Variants in B3GAT2 observed in about 807,000 individuals in gnomAD.
B3GAT2 encodes beta-1,3-glucuronyltransferase 2, also known as galactosylgalactosylxylosylprotein 3-beta-glucuronosyltransferase 2.
In B3GAT2, 26 loss-of-function variants were observed where a neutral mutation model predicts 27.8. The observed-to-expected ratio is 0.93, with a 90% CI of 0.68 to 1.30. B3GAT2 has a LOEUF of 1.30. B3GAT2 is among the 50% of genes most tolerant of loss of function. B3GAT2 has a pLI of 0.00. For missense variants in B3GAT2, 458 were observed against 459.0 expected (o/e 1.00, Z 0.02); for synonymous variants, 218 against 195.1 (o/e 1.12, Z -0.98).
At chr6:70,955,763 G>A in intron 1 of B3GAT2, 76 bp downstream of exon 1, 4 of 1,440,078 alleles carry the variant, frequency 2.8e-6, no homozygotes, top group Non-Finnish European at 3.7e-6. Context: ...AGTGCAAGGG[G>A]CGTGTGACTG....
intron 2 of B3GAT2, among the ~76,000 whole-genome samples, chr6:70,888,332 T>C (rs1772224915): frequency 6.6e-6 from 1 of 152,004 alleles, no homozygotes; most frequent in Admixed American, 6.5e-5. Context: ...TACACATAAA[T>C]TACGACTCAA....
At chr6:70,924,490 T>C (rs1362832170) in intron 1 of B3GAT2, among the ~76,000 whole-genome samples, 1 of 152,186 alleles carries the variant, frequency 6.6e-6, no homozygotes, top group Non-Finnish European at 1.5e-5. Flanking sequence ...AGTCACACTT[T>C]CCAATTTCAA....
intron 2 of B3GAT2, among the ~76,000 whole-genome samples, chr6:70,883,420 T>C (rs1772129892): frequency 7.4e-6 from 1 of 134,962 alleles, no homozygotes; most frequent in African/African-American, 2.8e-5. Context: ...TGATACATAA[T>C]ATAATATGAA....
chr6:70,949,738 TA>T (rs1255285895), intron 1 of B3GAT2, among the ~76,000 whole-genome samples: 1 of 151,818 alleles, frequency 6.6e-6, no homozygotes, highest in Non-Finnish European at 1.5e-5. Flanking sequence ...CATGCTGCTA[TA>T]AAGACACATG....
intron 2 of B3GAT2, among the ~76,000 whole-genome samples, chr6:70,881,496 A>G (rs1772097974): frequency 6.6e-6 from 1 of 152,208 alleles, no homozygotes; most frequent in Non-Finnish European, 1.5e-5. Flanking sequence ...GCTTTATTTT[A>G]GGTACACCTG....
At chr6:70,922,457 T>C (rs551025051) in intron 1 of B3GAT2, among the ~76,000 whole-genome samples, 1 of 152,070 alleles carries the variant, frequency 6.6e-6, no homozygotes, top group Admixed American at 6.5e-5. Flanking sequence ...ATAAAGTAAA[T>C]CAATAAATTT....
intron 1 of B3GAT2, among the ~76,000 whole-genome samples, chr6:70,909,614 T>C (rs935530929): frequency 6.6e-6 from 1 of 152,190 alleles, no homozygotes; most frequent in African/African-American, 2.4e-5. Context: ...AATAAGATGA[T>C]GTATGTAAAG....
chr6:70,950,619 T>G (rs1335243325), intron 1 of B3GAT2, among the ~76,000 whole-genome samples: 6 of 152,146 alleles, frequency 3.9e-5, no homozygotes, highest in Non-Finnish European at 8.8e-5. Flanking sequence ...GTGCTTCTGT[T>G]AAAAACGGGG....
chr6:70,878,709 T>C (rs1360297225), intron 2 of B3GAT2, among the ~76,000 whole-genome samples: 2 of 152,170 alleles, frequency 1.3e-5, no homozygotes, highest in East Asian at 3.8e-4. Context: ...TCATTTTGGT[T>C]TCTCTTCTTC....
At chr6:70,871,192 G>T (rs1771928541) in intron 2 of B3GAT2, among the ~76,000 whole-genome samples, 1 of 147,436 alleles carries the variant, frequency 6.8e-6, no homozygotes, top group South Asian at 2.1e-4. Context: ...TATTCAAAAG[G>T]GATATAGGTC....
At chr6:70,925,772 G>C (rs1023094954) in intron 1 of B3GAT2, among the ~76,000 whole-genome samples, 3 of 152,232 alleles carry the variant, frequency 2.0e-5, no homozygotes, top group African/African-American at 7.2e-5. Flanking sequence ...AAACGTCCCT[G>C]TCTGACAGCT....
chr6:70,868,719 T>TC (rs202033605), intron 2 of B3GAT2, among the ~76,000 whole-genome samples: 290 of 151,368 alleles, frequency 1.9e-3, no homozygotes, highest in African/African-American at 2.8e-3. Context: ...AGCCTCTCTT[T>TC]CCCCCCCCAC....
intron 2 of B3GAT2, among the ~76,000 whole-genome samples, chr6:70,889,895 T>C (rs1291989228): frequency 1.3e-5 from 2 of 151,802 alleles, no homozygotes; most frequent in Non-Finnish European, 2.9e-5. Flanking sequence ...GATTCTCATG[T>C]CTCAGCCTCC....
At chr6:70,919,501 G>C (rs1772831033) in intron 1 of B3GAT2, among the ~76,000 whole-genome samples, 1 of 152,174 alleles carries the variant, frequency 6.6e-6, no homozygotes, top group Non-Finnish European at 1.5e-5. Context: ...GGAATTTTCA[G>C]CCTTTCTTCT....
intron 1 of B3GAT2, among the ~76,000 whole-genome samples, chr6:70,913,565 T>G (rs1258557939): frequency 1.3e-5 from 2 of 151,966 alleles, no homozygotes; most frequent in Non-Finnish European, 2.9e-5. Flanking sequence ...GGTCCAAGAG[T>G]GTGGTTAGTG....
intron 2 of B3GAT2, among the ~76,000 whole-genome samples, chr6:70,880,269 T>C (rs1325944024): frequency 2.6e-5 from 4 of 152,126 alleles, no homozygotes; most frequent in African/African-American, 9.7e-5. Flanking sequence ...ACATTCACAG[T>C]GAACCAGGCC....
chr6:70,899,643 G>C (rs960352347), intron 1 of B3GAT2, among the ~76,000 whole-genome samples: 1 of 152,300 alleles, frequency 6.6e-6, no homozygotes, highest in South Asian at 2.1e-4. Flanking sequence ...CATGCAGAAT[G>C]CTTCATCACA....
rs112409269 is a variant in B3GAT2 at position 70,956,032 on chromosome 6, G to A, written c.398C>T (p.Ala133Val). The A allele has an allele frequency of 3.4e-5, 53 of 1,551,998 alleles. 1 individual carries two copies. The African/African-American group carries it at 3.5e-4, about 10-fold the overall frequency. ...SELVSRFLARAGLPSTHLHVP... is the reference protein window; with the variant it reads ...SELVSRFLARVGLPSTHLHVP... The stretch of plus-strand genomic sequence containing the variant: ...GTGCAGGTGAGTGCTGGGCAGCCCG[G>A]CCCGCGCCAGGAAGCGGCTCACCAG... Residue 133 changes from alanine to valine, a missense_variant, in exon 1 of 4, where the codon GCC becomes GTC. Coordinates refer to ENST00000230053, the MANE Select transcript of B3GAT2 (RefSeq NM_080742.3).
At chr6:70,949,311 C>T (rs1170656425) in intron 1 of B3GAT2, among the ~76,000 whole-genome samples, 1 of 152,122 alleles carries the variant, frequency 6.6e-6, no homozygotes, top group Non-Finnish European at 1.5e-5. Context: ...ACTCATCTGA[C>T]AAAGGGCTAA....
Sources: gnomAD v4.1 joint callset for allele counts (sites outside exome capture counted in the v4.1 genomes callset) on GRCh38, gnomAD v4.1.1 for gene constraint, MANE v1.5 for transcripts, NCBI Gene and HGNC (gene_info 2026-07-23, HGNC 2026-07-21) for gene names.